The following NRG1 variants were observed in gnomAD, a reference collection of about 807,000 sequenced individuals.
NRG1 encodes the protein pro-neuregulin-1, membrane-bound isoform.
Under a neutral mutation model 63.8 loss-of-function variants are expected in NRG1, and 18 were observed. The observed-to-expected ratio is 0.28, with a 90% CI of 0.19 to 0.42. The LOEUF is 0.42. Ranked by LOEUF, NRG1 falls within the 10% of genes least tolerant of loss-of-function variation. The probability of loss-of-function intolerance (pLI) is 1.00; values close to 1 mark genes in which losing one functional copy is unlikely to be tolerated. For synonymous variants in NRG1, 302 were observed against 301.3 expected, an observed-to-expected ratio of 1.00 and a Z score of -0.02; for missense variants, 762 against 814.7, an observed-to-expected ratio of 0.94 and a Z score of 0.79.
chr8:32,744,739 G>A (rs1389617342), intron 7 of NRG1, among the ~76,000 whole-genome samples: 1 of 151,990 alleles, frequency 6.6e-6, no homozygotes, highest in Middle Eastern at 3.2e-3. Context: ...ATAAATAAAA[G>A]CATTAAAAAT....
chr8:32,048,436 TATATAC>T (rs1383207024), intron 1 of NRG1, among the ~76,000 whole-genome samples: 3 of 8,086 alleles, frequency 3.7e-4, no homozygotes, highest in Non-Finnish European at 1.5e-3. Flanking sequence ...TATGTACACA[TATATAC>T]ATACATATAT....
At chr8:32,594,356 C>G (rs1445865765) in intron 1 of NRG1, among the ~76,000 whole-genome samples, 1 of 152,098 alleles carries the variant, frequency 6.6e-6, no homozygotes, top group Non-Finnish European at 1.5e-5. Flanking sequence ...TTGTAGCTGG[C>G]TTTTCTGAGA....
chr8:32,342,024 T>C (rs1197830266), intron 1 of NRG1, among the ~76,000 whole-genome samples: 1 of 152,208 alleles, frequency 6.6e-6, no homozygotes, highest in East Asian at 1.9e-4. Context: ...AATTCTTGCT[T>C]TGCCATTTTT....
intron 1 of NRG1, chr8:32,136,822 A>C (rs1835590580): frequency 6.6e-6 from 1 of 152,200 alleles, no homozygotes; most frequent in African/African-American, 2.4e-5. Context: ...CATTTGTCAC[A>C]ACCAAAGTCT....
intron 1 of NRG1, among the ~76,000 whole-genome samples, chr8:32,024,317 GA>G (rs1324059281): frequency 4.6e-5 from 7 of 152,202 alleles, no homozygotes; most frequent in Admixed American, 6.5e-5. Flanking sequence ...TTGAGTTCAA[GA>G]AAACAGATGA....
intron 1 of NRG1, among the ~76,000 whole-genome samples, chr8:32,562,142 C>T (rs1004081343): frequency 1.3e-5 from 2 of 152,148 alleles, no homozygotes; most frequent in Non-Finnish European, 2.9e-5. Context: ...TCATACCCAG[C>T]TGGCCCCATT....
chr8:32,238,959 G>A (rs1175697523), intron 1 of NRG1, among the ~76,000 whole-genome samples: 1 of 152,016 alleles, frequency 6.6e-6, no homozygotes, highest in African/African-American at 2.4e-5. Context: ...GGCAACTGGA[G>A]GAGAAAAACA....
chr8:32,602,871 A>G (rs1338248300), intron 2 of NRG1, among the ~76,000 whole-genome samples: 1 of 152,176 alleles, frequency 6.6e-6, no homozygotes, highest in Non-Finnish European at 1.5e-5. Flanking sequence ...TATAGCTGAT[A>G]ATCCATTTAA....
intron 1 of NRG1, among the ~76,000 whole-genome samples, chr8:31,908,516 C>A (rs954044820): frequency 6.6e-6 from 1 of 152,146 alleles, no homozygotes; most frequent in Non-Finnish European, 1.5e-5. Context: ...ACAATACACA[C>A]TCACATTTAA....
At chr8:32,324,371 T>C (rs1309206513) in intron 1 of NRG1, among the ~76,000 whole-genome samples, 40 of 152,196 alleles carry the variant, frequency 2.6e-4, no homozygotes, top group Admixed American at 2.6e-3. Context: ...ATCACCATCC[T>C]TGTTAAAGAA....
At chr8:32,421,396 T>C (rs1816683838) in intron 1 of NRG1, among the ~76,000 whole-genome samples, 1 of 152,326 alleles carries the variant, frequency 6.6e-6, no homozygotes, top group Non-Finnish European at 1.5e-5. Context: ...CTGGCCAACA[T>C]CTGCCCTTCT....
At chr8:32,127,528 C>CGTGTGT (rs3084577) in intron 1 of NRG1, among the ~76,000 whole-genome samples, 8,342 of 146,114 alleles carry the variant, frequency 0.057, 329 homozygotes, top group Admixed American at 0.1. Flanking sequence ...TGTATCTGCA[C>CGTGTGT]GTGTGTGTGT....
intron 1 of NRG1, among the ~76,000 whole-genome samples, chr8:32,486,627 A>ATTTTTTTT (rs1554557143): frequency 3.3e-4 from 48 of 145,558 alleles, no homozygotes; most frequent in African/African-American, 1.2e-3. Flanking sequence ...GAATTGCTGG[A>ATTTTTTTT]TTTTTTTTTT....
At chr8:31,931,542 G>A (rs1000770946) in intron 1 of NRG1, among the ~76,000 whole-genome samples, 18 of 152,030 alleles carry the variant, frequency 1.2e-4, no homozygotes, top group Non-Finnish European at 1.6e-4. Context: ...TGCAATACAC[G>A]CGTGATAATT....
intron 1 of NRG1, among the ~76,000 whole-genome samples, chr8:31,822,865 G>A (rs182384225): frequency 6.6e-5 from 10 of 152,230 alleles, no homozygotes; most frequent in African/African-American, 2.2e-4. Context: ...GCACTTTCAG[G>A]CAAGGTTTTG....
intron 1 of NRG1, among the ~76,000 whole-genome samples, chr8:32,347,707 G>A (rs1441131325): frequency 6.6e-6 from 1 of 152,142 alleles, no homozygotes; most frequent in Non-Finnish European, 1.5e-5. Context: ...ACTTTTAACA[G>A]CCCAGAAATG....
intron 1 of NRG1, among the ~76,000 whole-genome samples, chr8:31,659,959 G>A (rs930899125): frequency 2.6e-5 from 4 of 152,096 alleles, no homozygotes; most frequent in African/African-American, 9.7e-5. Context: ...AATATCCCCA[G>A]AGATTGGCAT....
chr8:32,149,024 G>A (rs1837207111), intron 1 of NRG1, among the ~76,000 whole-genome samples: 1 of 152,108 alleles, frequency 6.6e-6, no homozygotes, highest in Non-Finnish European at 1.5e-5. Context: ...AAATATTTGG[G>A]GACATGAAGC....
intron 5 of NRG1, among the ~76,000 whole-genome samples, chr8:32,667,227 A>G (rs1258435759): frequency 6.6e-6 from 1 of 152,204 alleles, no homozygotes; most frequent in Non-Finnish European, 1.5e-5. Context: ...AAACATATCT[A>G]AACAGAGAAA....
Sources: gnomAD v4.1 joint callset for allele counts (sites outside exome capture counted in the v4.1 genomes callset) on GRCh38, gnomAD v4.1.1 for gene constraint, MANE v1.5 for transcripts, NCBI Gene and HGNC (gene_info 2026-07-23, HGNC 2026-07-21) for gene names.